The following RBM38 variants were observed in gnomAD, a reference collection of about 807,000 sequenced individuals.
The protein encoded by RBM38 is RNA binding motif protein 38, also known as RNA-binding protein 38.
Under a neutral mutation model 23.5 loss-of-function variants are expected in RBM38, and 11 were observed. That is an observed-to-expected ratio of 0.47 (90% confidence interval 0.29 to 0.77). RBM38 has a LOEUF of 0.77. Among genes scored for constraint, RBM38 ranks in the 30% least tolerant of loss-of-function variants. RBM38 has a pLI of 0.08. For synonymous variants in RBM38, 165 were observed against 166.1 expected, an observed-to-expected ratio of 0.99 and a Z score of 0.05; for missense variants, 330 against 351.9, an observed-to-expected ratio of 0.94 and a Z score of 0.50.
chr20:57,406,873 A>G (rs181351563), intron 3 of RBM38, among the ~76,000 whole-genome samples: 103 of 152,170 alleles, frequency 6.8e-4, no homozygotes, highest in Non-Finnish European at 1.3e-3. Flanking sequence ...GGGCACCTGT[A>G]GTCCCAGCTA....
At position 57,391,750 on chromosome 20, in the gene RBM38, T is replaced by A. The variant is rs766202451; in HGVS notation, c.169T>A (p.Phe57Ile). ...DASLRKYFEGFGDIEEAVVIT... is the reference protein window; with the variant it reads ...DASLRKYFEGIGDIEEAVVIT... ...CTCGCTCAGGAAGTACTTCGAGGGC[T>A]TCGGCGACATCGAGGAGGCCGTGGT... The change falls in exon 1 of 4, where the codon TTC becomes ATC. Residue 57 changes from phenylalanine (F) to isoleucine (I), a missense_variant. Phe to Ile is a conservative substitution (Grantham distance 21). Coordinates refer to ENST00000356208, the MANE Select transcript of RBM38 (RefSeq NM_017495.6). 2 of 1,570,616 alleles carry A rather than the reference T, an allele frequency of 1.3e-6. No individual in the cohort carries two copies. The highest frequency in any genetic ancestry group is 1.8e-5 in the Admixed American group (1 of 56,114).
At chr20:57,401,712 C>G (rs568328385) in intron 3 of RBM38, among the ~76,000 whole-genome samples, 8 of 152,252 alleles carry the variant, frequency 5.3e-5, no homozygotes, top group African/African-American at 1.7e-4. Context: ...TGGGAAGAAG[C>G]AAGTGCATAG....
In RBM38 at chr20:57,408,813, C is replaced by T. The variant is rs1255780399; in HGVS notation, c.*967C>T. 1.3e-5 allele frequency: 2 copies of T among 152,580 alleles called. No homozygotes were observed. Among genetic ancestry groups the T allele is most frequent in the African/African-American group, 4.8e-5 (2 of 41,470 alleles). The allele number at this position is 152,580 out of a possible 1,614,324, so 9.5% of individuals were successfully genotyped here. ...CCGTCACTGCGACGTTGACACTCCTCTCCCTTCCCTTCCTCCCCAACTCCC... is the reference window on the plus strand; with the variant it reads ...CCGTCACTGCGACGTTGACACTCCTTTCCCTTCCCTTCCTCCCCAACTCCC... On this transcript the variant is annotated 3_prime_UTR_variant, in exon 4 of 4. Coordinates refer to ENST00000356208, the MANE Select transcript of RBM38 (RefSeq NM_017495.6).
chr20:57,391,549 C>T lies in RBM38; in HGVS notation c.-33C>T. 2.2e-6 allele frequency: 2 copies of T among 888,996 alleles called. No individual in the cohort carries two copies. The highest frequency in any genetic ancestry group is 2.8e-6 in the Non-Finnish European group (2 of 723,464). The allele number at this position is 888,996 out of a possible 1,614,324, so 55.1% of individuals were successfully genotyped here. A position where few individuals can be genotyped will look rare whatever the true frequency, so the allele number is the denominator to read the frequency against. On this transcript the variant is annotated 5_prime_UTR_variant, in exon 1 of 4. Transcript: ENST00000356208. Reference sequence around the variant, plus strand: ...CGCCCCCCATGAGCGCAGCCCCGCGCGGCCCGGGTCCGTAGGCGGCGGGGC... The same window carrying T: ...CGCCCCCCATGAGCGCAGCCCCGCGTGGCCCGGGTCCGTAGGCGGCGGGGC...
intron 2 of RBM38, 164 bp downstream of exon 2, chr20:57,392,941 G>C (rs984074299): frequency 1.2e-5 from 12 of 962,862 alleles, no homozygotes; most frequent in Non-Finnish European, 1.8e-5. Context: ...CGAGGATCTA[G>C]ACCCCTTCTC....
In RBM38 at chr20:57,407,524, G is replaced by A. The variant is rs990128462; in HGVS notation, c.417-19G>A. The stretch of plus-strand genomic sequence containing the variant: ...CCCAACTCCGTTCTGGCCCTAACCT[G>A]CTCTGCTTGGCCCCACAGGCTGACC... On this transcript the variant is annotated intron_variant, in intron 3 of 3. Transcript: ENST00000356208. The surrounding 1 kb of genome is among the most constrained non-coding windows in gnomAD (Gnocchi z 4.0). 2 of 1,610,512 alleles carry A rather than the reference G, an allele frequency of 1.2e-6. No individual in the cohort carries two copies. The highest frequency in any genetic ancestry group is 1.7e-5 in the Admixed American group (1 of 59,814).
rs151173940 is a variant in RBM38, at chr20:57,404,126, C to T, written c.417-3417C>T. Among the ~76,000 whole-genome samples the T allele has an allele frequency of 8.5e-3, 1,300 of 152,322 alleles. 80 individuals are homozygous for T. The highest frequency in any genetic ancestry group is 0.079 in the Admixed American group (1,215 of 15,300). On this transcript the variant is annotated intron_variant, in intron 3 of 3. Transcript: ENST00000356208. The stretch of plus-strand genomic sequence containing the variant: ...GGTGGCCAAGGCAGCGCTCTGGCCC[C>T]GATGATGTGGGGCATCAGAACCCGA...
chr20:57,396,383 G>A (rs1297225197), intron 3 of RBM38, among the ~76,000 whole-genome samples: 1 of 152,154 alleles, frequency 6.6e-6, no homozygotes, highest in Non-Finnish European at 1.5e-5. Flanking sequence ...GAGGGGAGGT[G>A]CAGCAGTCTG....
chr20:57,393,553 A>G (rs988377115), intron 3 of RBM38, among the ~76,000 whole-genome samples: 2 of 152,090 alleles, frequency 1.3e-5, no homozygotes, highest in African/African-American at 4.8e-5. Context: ...CTGCCTTGGT[A>G]CACACCCCAG....
rs527859664 is a variant in RBM38, at chr20:57,402,085, T to C, written c.417-5458T>C. Among the ~76,000 whole-genome samples, 12 of 152,236 alleles carry C rather than the reference T, an allele frequency of 7.9e-5. No homozygotes were observed. The East Asian group carries it at 1.5e-3, about 20-fold the overall frequency. On this transcript the variant is annotated intron_variant, in intron 3 of 3. Coordinates refer to ENST00000356208, the MANE Select transcript of RBM38 (RefSeq NM_017495.6). Reference sequence around the variant, plus strand: ...GCCTCGGCCTCCTGAGTAGCTGGGATTACAGGCACGCACCACCACGCCCAG... The same window carrying C: ...GCCTCGGCCTCCTGAGTAGCTGGGACTACAGGCACGCACCACCACGCCCAG...
chr20:57,406,331 C>G (rs6025539), intron 3 of RBM38, among the ~76,000 whole-genome samples: 4,887 of 152,258 alleles, frequency 0.032, 243 homozygotes, highest in African/African-American at 0.11. Context: ...ATGGCCAGCC[C>G]ACAGCAGGCA....
At position 57,409,193 on chromosome 20, in the gene RBM38, A is replaced by T. The variant is rs1255256123; in HGVS notation, c.*1347A>T. 6.5e-6 allele frequency: 1 copy of T among 152,672 alleles called. No individual in the cohort carries two copies. The highest frequency in any genetic ancestry group is 1.9e-4 in the East Asian group (1 of 5,196). The allele number at this position is 152,672 out of a possible 1,614,324, so 9.5% of individuals were successfully genotyped here. A position where few individuals can be genotyped will look rare whatever the true frequency, so the allele number is the denominator to read the frequency against. Reference sequence around the variant, plus strand: ...GGGGGTCTCCCTCCGGACCTACCTCAGGGAGCTGAGCGTGCAGGCGCTCCA... The same window carrying T: ...GGGGGTCTCCCTCCGGACCTACCTCTGGGAGCTGAGCGTGCAGGCGCTCCA... On this transcript the variant is annotated 3_prime_UTR_variant, in exon 4 of 4. Coordinates refer to ENST00000356208, the MANE Select transcript of RBM38 (RefSeq NM_017495.6).
chr20:57,395,633 C>T (rs2426715), intron 3 of RBM38, among the ~76,000 whole-genome samples: 88,812 of 147,258 alleles, frequency 0.6, 28,065 homozygotes, highest in East Asian at 0.96. Flanking sequence ...AGAATCGCGC[C>T]GCCTCCTGCC....
In RBM38 at chr20:57,408,198, G is replaced by A. The variant is rs369974226; in HGVS notation, c.*352G>A. On this transcript the variant is annotated 3_prime_UTR_variant, in exon 4 of 4. Coordinates refer to ENST00000356208, the MANE Select transcript of RBM38 (RefSeq NM_017495.6). ...TGTGTCCCCACTGCTGCATCGTGGC[G>A]GGGTGTCACAGACCCTCTGCAGCCC... 6.9e-5 allele frequency: 27 copies of A among 392,382 alleles called. No homozygotes were observed. The East Asian group carries it at 7.2e-4, about 10-fold the overall frequency. The allele number at this position is 392,382 out of a possible 1,614,324, so 24.3% of individuals were successfully genotyped here. A position where few individuals can be genotyped will look rare whatever the true frequency, so the allele number is the denominator to read the frequency against.
intron 3 of RBM38, among the ~76,000 whole-genome samples, chr20:57,398,355 A>G (rs113982141): frequency 0.016 from 2,412 of 152,254 alleles, 18 homozygotes; most frequent in Non-Finnish European, 0.024. Context: ...CTTCTGGGGA[A>G]GAGCGAGCAG....
rs201278266 is a variant in RBM38, at chr20:57,407,664, G to A, written c.538G>A (p.Ala180Thr). 3.6e-4 allele frequency: 585 copies of A among 1,613,208 alleles called. 1 individual carries two copies. Among genetic ancestry groups the A allele is most frequent in the Admixed American group, 1.0e-3 (63 of 60,012 alleles). The change falls in exon 4 of 4, where the codon GCC (alanine) becomes ACC (threonine). Residue 180 changes from alanine to threonine, a missense_variant. This residue lies in a region of RBM38 where 227 missense variants were observed against 216.4 expected (regional missense o/e 1.05). Transcript: ENST00000356208. This position sits in a 1 kb window ranked among gnomAD's most constrained non-coding sequence, Gnocchi z 4.0. ...IEYTPASPAY[A>T]QYPPATYDQY... ...GTACACGCCGGCCAGCCCGGCCTAC[G>A]CCCAGTACCCACCGGCCACCTATGA...
rs574040093 is a variant in RBM38, at chr20:57,407,706, G to A, written c.580G>A (p.Ala194Thr). ...CACCTATGACCAGTACCCATACGCCGCCTCGCCTGCCACGGCTGCCAGCTT... is the reference window on the plus strand; with the variant it reads ...CACCTATGACCAGTACCCATACGCCACCTCGCCTGCCACGGCTGCCAGCTT... Reference protein sequence around the residue: ...PATYDQYPYAASPATAASFVG... With the variant: ...PATYDQYPYATSPATAASFVG... The change falls in exon 4 of 4, where the codon GCC becomes ACC. Residue 194 changes from alanine (A) to threonine (T), a missense_variant. Ala to Thr is a moderately conservative substitution (Grantham distance 58, BLOSUM62 0). This residue lies in a region of RBM38 where 227 missense variants were observed against 216.4 expected (regional missense o/e 1.05). Coordinates refer to ENST00000356208, the MANE Select transcript of RBM38 (RefSeq NM_017495.6). This position sits in a 1 kb window ranked among gnomAD's most constrained non-coding sequence, Gnocchi z 4.0. 3.4e-5 allele frequency: 55 copies of A among 1,611,914 alleles called. No individual in the cohort carries two copies. Among genetic ancestry groups the A allele is most frequent in the East Asian group, 1.6e-4 (7 of 44,878 alleles).
Position 57,395,417 on chromosome 20 carries a change from G to A in RBM38, c.416+2084G>A, listed in dbSNP as rs182097366. Among the ~76,000 whole-genome samples, 37 of 152,274 alleles carry A rather than the reference G, an allele frequency of 2.4e-4. 1 individual carries two copies. In the South Asian group the frequency reaches 4.0e-3, roughly 16 times the overall value. ...CACCCATCCAGAAGCAGTTGGGATC[G>A]GTCACAGAGTTTGCCACTGTGTGCC... is the stretch of plus-strand genomic sequence containing the variant. On this transcript the variant is annotated intron_variant, in intron 3 of 3. Transcript: ENST00000356208.
chr20:57,396,577 C>T (rs1271942766), intron 3 of RBM38, among the ~76,000 whole-genome samples: 2 of 152,338 alleles, frequency 1.3e-5, no homozygotes, highest in East Asian at 1.9e-4. Flanking sequence ...GCGGGTCTCC[C>T]TGCCTGTTAA....
Sources: gnomAD v4.1 joint callset for allele counts (sites outside exome capture counted in the v4.1 genomes callset) on GRCh38, gnomAD v4.1.1 for gene constraint, gnomAD v4.1.1 regional missense constraint, Gnocchi (gnomAD v3.1) non-coding constraint, MANE v1.5 for transcripts, NCBI Gene and HGNC (gene_info 2026-07-23, HGNC 2026-07-21) for gene names.